TBPL2: variants seen among roughly 807,000 people sequenced by gnomAD.
TBPL2 encodes TATA box-binding protein-like 2.
TBPL2 carries 40 observed loss-of-function variants against 38.2 expected under a neutral mutation model. That is an observed-to-expected ratio of 1.05 (90% CI 0.81 to 1.36). The LOEUF is 1.36. TBPL2 is among the 40% of genes most tolerant of loss of function. The probability of loss-of-function intolerance (pLI) is 0.00; values close to 1 mark genes in which losing one functional copy is unlikely to be tolerated. For synonymous variants in TBPL2, 169 were observed against 171.7 expected (o/e 0.98, Z 0.12); for missense variants, 461 against 456.7 (o/e 1.01, Z -0.09).
At chr14:55,424,390 T>C in intron 5 of TBPL2, 137 bp from the exon 6 acceptor site, 2 of 567,044 alleles carry the variant, frequency 3.5e-6, no homozygotes, top group Non-Finnish European at 6.3e-6. Flanking sequence ...ACTTTTTAAC[T>C]ATCTTGATGA....
At chr14:55,425,498 T>C (rs1453113173) in intron 5 of TBPL2, among the ~76,000 whole-genome samples, 1 of 152,230 alleles carries the variant, frequency 6.6e-6, no homozygotes, top group East Asian at 1.9e-4. Flanking sequence ...AGATTACCAG[T>C]ATAATGTGCT....
At chr14:55,430,767 C>T (rs1314143823) in intron 4 of TBPL2, among the ~76,000 whole-genome samples, 2 of 152,198 alleles carry the variant, frequency 1.3e-5, no homozygotes. Flanking sequence ...TCTCTTCACC[C>T]ACTTCTCACT....
At chr14:55,433,184 A>G (rs1885959468) in intron 4 of TBPL2, among the ~76,000 whole-genome samples, 1 of 152,110 alleles carries the variant, frequency 6.6e-6, no homozygotes, top group African/African-American at 2.4e-5. Context: ...ACTGGACTGC[A>G]GTGGTATGAT....
chr14:55,425,922 C>G (rs562535237), intron 5 of TBPL2, among the ~76,000 whole-genome samples: 1 of 152,232 alleles, frequency 6.6e-6, no homozygotes, highest in South Asian at 2.1e-4. Flanking sequence ...TGGTAGTCAC[C>G]TAGATCTTAT....
chr14:55,424,818 A>ATATATAGTAGTAC (rs1481095385), intron 5 of TBPL2, among the ~76,000 whole-genome samples: 2 of 152,156 alleles, frequency 1.3e-5, no homozygotes, highest in Admixed American at 6.6e-5. Context: ...ATTTACTACT[A>ATATATAGTAGTAC]AATATAAGCT....
chr14:55,415,864 T>C (rs1168773103), intron 6 of TBPL2, among the ~76,000 whole-genome samples: 3 of 151,912 alleles, frequency 2.0e-5, no homozygotes, highest in African/African-American at 4.8e-5. Flanking sequence ...AGACTCTGTC[T>C]CAAAATAAAA....
At chr14:55,435,311 T>C (rs1345111856) in intron 3 of TBPL2, among the ~76,000 whole-genome samples, 1 of 150,584 alleles carries the variant, frequency 6.6e-6, no homozygotes, top group Non-Finnish European at 1.5e-5. Context: ...GGAGTCTCGC[T>C]GTTACCCAGG....
intron 4 of TBPL2, among the ~76,000 whole-genome samples, chr14:55,429,989 A>G (rs1019943184): frequency 2.0e-5 from 3 of 152,054 alleles, no homozygotes; most frequent in Non-Finnish European, 4.4e-5. Flanking sequence ...CTTCAATTCA[A>G]TTCAAACTCA....
chr14:55,429,567 C>T (rs762884896), intron 4 of TBPL2, among the ~76,000 whole-genome samples: 1 of 151,988 alleles, frequency 6.6e-6, no homozygotes, highest in Non-Finnish European at 1.5e-5. Flanking sequence ...AGCTCGAGAC[C>T]GGCCTGGCCA....
intron 6 of TBPL2, among the ~76,000 whole-genome samples, chr14:55,422,353 C>T (rs1207739815): frequency 6.6e-6 from 1 of 152,134 alleles, no homozygotes; most frequent in African/African-American, 2.4e-5. Context: ...TCAAGCGATT[C>T]TCCTGCCTCA....
intron 1 of TBPL2, among the ~76,000 whole-genome samples, chr14:55,440,049 G>A (rs1011100871): frequency 7.2e-5 from 11 of 151,878 alleles, no homozygotes; most frequent in African/African-American, 2.7e-4. Context: ...GCAGTGAGCT[G>A]AGATCGCGCC....
intron 4 of TBPL2, among the ~76,000 whole-genome samples, chr14:55,433,212 T>C (rs981005351): frequency 7.9e-5 from 12 of 151,904 alleles, no homozygotes; most frequent in Admixed American, 7.9e-4. Flanking sequence ...CATTGCAGCC[T>C]CAAACTCATG....
At chr14:55,425,562 G>A (rs1024259339) in intron 5 of TBPL2, among the ~76,000 whole-genome samples, 1 of 152,170 alleles carries the variant, frequency 6.6e-6, no homozygotes, top group Non-Finnish European at 1.5e-5. Flanking sequence ...TCCAAAAGAA[G>A]GCTGAGGCAG....
chr14:55,427,497 G>A (rs1394842757), intron 5 of TBPL2, among the ~76,000 whole-genome samples: 1 of 152,146 alleles, frequency 6.6e-6, no homozygotes, highest in Non-Finnish European at 1.5e-5. Flanking sequence ...TCTATTGACG[G>A]GATAATCATT....
At chr14:55,422,910 A>G (rs1384151190) in intron 6 of TBPL2, among the ~76,000 whole-genome samples, 2 of 152,158 alleles carry the variant, frequency 1.3e-5, no homozygotes, top group Admixed American at 6.5e-5. Flanking sequence ...GTAGAATGAC[A>G]TAGAAAAGAG....
At chr14:55,422,679 C>T (rs547555036) in intron 6 of TBPL2, among the ~76,000 whole-genome samples, 267 of 152,204 alleles carry the variant, frequency 1.8e-3, no homozygotes, top group Middle Eastern at 6.8e-3. Flanking sequence ...TGGCAAAACC[C>T]CATCTCTTCG....
chr14:55,439,278 T>TAAAAA (rs34693240), intron 1 of TBPL2, among the ~76,000 whole-genome samples: 2 of 133,872 alleles, frequency 1.5e-5, no homozygotes, highest in African/African-American at 5.5e-5. Flanking sequence ...TAATTAACTT[T>TAAAAA]AAAAAAAAAA....
chr14:55,440,362 G>T (rs1301524158), intron 1 of TBPL2, 34 bp downstream of exon 1: 1 of 1,612,302 alleles, frequency 6.2e-7, no homozygotes, highest in Non-Finnish European at 8.5e-7. Flanking sequence ...GCGGGACTTG[G>T]GTCCTGACTC....
intron 6 of TBPL2, among the ~76,000 whole-genome samples, chr14:55,415,145 C>T (rs761843406): frequency 6.6e-5 from 10 of 152,182 alleles, no homozygotes; most frequent in Non-Finnish European, 1.2e-4. Flanking sequence ...TATGCAGGCA[C>T]GTTGTGCTAA....
Sources: gnomAD v4.1 joint callset for allele counts (sites outside exome capture counted in the v4.1 genomes callset) on GRCh38, gnomAD v4.1.1 for gene constraint, MANE v1.5 for transcripts, NCBI Gene and HGNC (gene_info 2026-07-23, HGNC 2026-07-21) for gene names.